The following MTA1 variants were observed in gnomAD, a reference collection of about 807,000 sequenced individuals.
MTA1 encodes metastasis associated 1.
In MTA1, 15 loss-of-function variants were observed where a neutral mutation model predicts 97.0. That is an observed-to-expected ratio of 0.15 (90% confidence interval 0.10 to 0.24). MTA1 has a LOEUF of 0.24. MTA1 is among the 10% of genes least tolerant of loss of function. MTA1 has a pLI of 1.00. For missense variants in MTA1, 709 were observed against 1,015.1 expected (o/e 0.70, Z 4.10); for synonymous variants, 435 against 417.5 (o/e 1.04, Z -0.51).
In MTA1 at chr14:105,420,747, G is replaced by T. The variant is rs2081804583; in HGVS notation, c.28+684G>T. ...TCCTGGGCAGGGGCTTCCTCCGTGG[G>T]CCCAGCCTCCTGTTGCTCGGGCCCC... On this transcript the variant is annotated intron_variant, in intron 1 of 20. Coordinates refer to ENST00000331320, the MANE Select transcript of MTA1 (RefSeq NM_004689.4). The surrounding 1 kb of genome is among the most constrained non-coding windows in gnomAD (Gnocchi z 5.3). Among the ~76,000 whole-genome samples, 1 of 152,200 alleles carries T rather than the reference G, an allele frequency of 6.6e-6. No homozygotes were observed. Among genetic ancestry groups the T allele is most frequent in the Admixed American group, 6.5e-5 (1 of 15,292 alleles).
chr14:105,470,572 T>C lies in MTA1; in HGVS notation c.*357T>C. On this transcript the variant is annotated 3_prime_UTR_variant, in exon 21 of 21. Transcript: ENST00000331320. ...AATTTTATTTTTATTACTTTTTTTG[T>C]AGATGAACTTGAGCTCTGTAACTTA... 4.8e-6 allele frequency: 1 copy of C among 209,864 alleles called. No homozygotes were observed. Among genetic ancestry groups the C allele is most frequent in the Non-Finnish European group, 9.3e-6 (1 of 107,312 alleles). The allele number at this position is 209,864 out of a possible 1,614,324, so 13.0% of individuals were successfully genotyped here.
At chr14:105,421,868 C>T (rs1277443059) in intron 1 of MTA1, among the ~76,000 whole-genome samples, 1 of 152,278 alleles carries the variant, frequency 6.6e-6, no homozygotes, top group Non-Finnish European at 1.5e-5. Flanking sequence ...CCCCCTGTGC[C>T]CGCAGGCCCG....
Position 105,438,733 on chromosome 14 carries a change from C to T in MTA1, c.90C>T (p.Leu30=). ...NPYLIRRIEE[L]NKTANGNVEA... ...ACCTGATCCGGAGAATCGAGGAGCT[C>T]AACAAGGTACTGGGGGGCCCTGGTG... The change falls in exon 2 of 21, where the codon CTC becomes CTT. Residue 30 remains leucine, a synonymous_variant. Transcript: ENST00000331320. 2 of 1,612,762 alleles carry T rather than the reference C, an allele frequency of 1.2e-6. No individual in the cohort carries two copies. Among genetic ancestry groups the T allele is most frequent in the Non-Finnish European group, 1.7e-6 (2 of 1,179,818 alleles).
At chr14:105,450,762 C>T (rs782298464) in intron 6 of MTA1, among the ~76,000 whole-genome samples, 29 of 152,146 alleles carry the variant, frequency 1.9e-4, no homozygotes, top group Non-Finnish European at 3.2e-4. Context: ...CTGGGGGTCA[C>T]CTGTGATTAT....
At chr14:105,425,834 C>T in intron 1 of MTA1, among the ~76,000 whole-genome samples, 1 of 152,018 alleles carries the variant, frequency 6.6e-6, no homozygotes, top group East Asian at 1.9e-4. Context: ...CCACCCGCCC[C>T]ACCAATGTGC....
intron 16 of MTA1, 109 bp from the exon 17 acceptor site, chr14:105,466,317 G>A: frequency 9.8e-7 from 1 of 1,019,036 alleles, no homozygotes; most frequent in Middle Eastern, 2.7e-4. Flanking sequence ...GGCCGCATGG[G>A]GCTTAGTTCC....
rs1438608662 is a variant in MTA1, at chr14:105,420,293, G to A, written c.28+230G>A. On this transcript the variant is annotated intron_variant, in intron 1 of 20. Coordinates refer to ENST00000331320, the MANE Select transcript of MTA1 (RefSeq NM_004689.4). This position sits in a 1 kb window ranked among gnomAD's most constrained non-coding sequence, Gnocchi z 5.3. The stretch of plus-strand genomic sequence containing the variant: ...GGGCTCGGCGGCCCGGGGGTGGGGG[G>A]CGGCCCACCTGTTGGGGCCGAGGGG... Among the ~76,000 whole-genome samples the A allele has an allele frequency of 3.5e-4, 52 of 149,986 alleles. No homozygotes were observed. The highest frequency in any genetic ancestry group is 3.3e-3 in the Admixed American group (50 of 15,102).
chr14:105,446,450 T>A (rs963988224), intron 3 of MTA1, among the ~76,000 whole-genome samples: 2 of 151,800 alleles, frequency 1.3e-5, no homozygotes, highest in Non-Finnish European at 2.9e-5. Flanking sequence ...CGACCCCTAA[T>A]GGGGTGAGGT....
In MTA1 at chr14:105,470,290, G is replaced by A. The variant is rs1156371730; in HGVS notation, c.*75G>A. 6 of 1,158,730 alleles carry A rather than the reference G, an allele frequency of 5.2e-6. No homozygotes were observed. In the East Asian group the frequency reaches 1.2e-4, roughly 23 times the overall value. 71.8% of individuals were successfully genotyped at this position (1,158,730 alleles called of 1,614,324 possible). On this transcript the variant is annotated 3_prime_UTR_variant, in exon 21 of 21. Transcript: ENST00000331320. ...CCCCTTCCCAGCCAGCCCGCCGCCC[G>A]CCCCTCAGTTTGGTAGTGCCCCACC...
chr14:105,462,870 AAAAC>A lies in MTA1; in HGVS notation c.943-306_943-303del, dbSNP rs1264381347. On this transcript the variant is annotated intron_variant, in intron 10 of 20. Coordinates refer to ENST00000331320, the MANE Select transcript of MTA1 (RefSeq NM_004689.4). ...GGTGACAGAGCGAGACTCCGTCTCA[AAAAC>A]AAACAAAAAAAAGGCTGAGATGGAG... is the stretch of plus-strand genomic sequence containing the variant. Among the ~76,000 whole-genome samples the A allele has an allele frequency of 4.6e-5, 7 of 152,340 alleles. No individual in the cohort carries two copies. In the East Asian group the frequency reaches 7.7e-4, roughly 17 times the overall value.
intron 8 of MTA1, 83 bp downstream of exon 8, chr14:105,458,455 G>C: frequency 8.2e-7 from 1 of 1,222,380 alleles, no homozygotes; most frequent in Admixed American, 1.9e-5. Flanking sequence ...TGTTGGGGAC[G>C]TGACAGTCTT....
intron 2 of MTA1, among the ~76,000 whole-genome samples, 194 bp downstream of exon 2, chr14:105,438,933 C>G (rs1163032739): frequency 1.1e-4 from 17 of 152,236 alleles, no homozygotes; most frequent in African/African-American, 4.1e-4. Context: ...AGTGAGGGGC[C>G]TGGTGGCCTC....
intron 1 of MTA1, among the ~76,000 whole-genome samples, chr14:105,431,644 GA>G (rs2082179676): frequency 6.6e-6 from 1 of 152,190 alleles, no homozygotes; most frequent in Non-Finnish European, 1.5e-5. Flanking sequence ...TTTACTTTTT[GA>G]GGTGGAGTCT....
intron 2 of MTA1, among the ~76,000 whole-genome samples, chr14:105,443,743 T>A (rs1231828972): frequency 6.6e-6 from 1 of 151,974 alleles, no homozygotes; most frequent in African/African-American, 2.4e-5. Flanking sequence ...GTCCAGGAGT[T>A]CAAGATTAGC....
At chr14:105,458,413 T>A (rs1555430401) in intron 8 of MTA1, 41 bp downstream of exon 8, 19 of 1,561,166 alleles carry the variant, frequency 1.2e-5, no homozygotes, top group Non-Finnish European at 1.6e-5. Context: ...GGGTGGTGCC[T>A]GGAGCTTCTG....
In MTA1 at chr14:105,469,895, C is replaced by G; in HGVS notation, c.1900C>G (p.Leu634Val). 6.2e-7 allele frequency: 1 copy of G among 1,611,490 alleles called. No individual in the cohort carries two copies. Among genetic ancestry groups the G allele is most frequent in the South Asian group, 1.1e-5 (1 of 90,894 alleles). Residue 634 changes from leucine to valine, a missense_variant, in exon 20 of 21, where the codon CTG becomes GTG. Physicochemically the swap from Leu to Val is conservative, Grantham distance 32. Transcript: ENST00000331320. ...NGKSYPTKVRLIRGGSLPPVK... is the reference protein window; with the variant it reads ...NGKSYPTKVRVIRGGSLPPVK... ...GAAGTCCTACCCCACCAAAGTGCGC[C>G]TGATCCGGGGGGGCTCCCTGCCCCC...
Position 105,464,742 on chromosome 14 carries a change from C to G in MTA1, c.1413C>G (p.Phe471Leu). The change falls in exon 15 of 21, where the codon TTC becomes TTG. Residue 471 changes from phenylalanine to leucine, a missense_variant. This residue lies in a region of MTA1 where 388 missense variants were observed against 421.6 expected (regional missense o/e 0.92). Transcript: ENST00000331320. ...TTGCCATGAAGACCAGGCAGGCTTT[C>G]TATCTGCACACGACGAAGCTGACGC... ...PKFAMKTRQA[F>L]YLHTTKLTRI... 1 of 1,610,224 alleles carries G rather than the reference C, an allele frequency of 6.2e-7. No individual in the cohort carries two copies. Among genetic ancestry groups the G allele is most frequent in the Non-Finnish European group, 8.5e-7 (1 of 1,178,068 alleles).
At position 105,470,233 on chromosome 14, in the gene MTA1, G is replaced by T. The variant is rs782706973; in HGVS notation, c.*18G>T. The T allele has an allele frequency of 2.5e-5, 37 of 1,509,940 alleles. No homozygotes were observed. Among genetic ancestry groups the T allele is most frequent in the Middle Eastern group, 2.3e-4 (1 of 4,366 alleles). 93.5% of individuals were successfully genotyped at this position (1,509,940 alleles called of 1,614,324 possible). ...AGGACTAGGGGCCGCCCCCACCTGC[G>T]GCCGCCCCCCGCCCCTCGCCCGCCC... On this transcript the variant is annotated 3_prime_UTR_variant, in exon 21 of 21. Coordinates refer to ENST00000331320, the MANE Select transcript of MTA1 (RefSeq NM_004689.4).
intron 8 of MTA1, among the ~76,000 whole-genome samples, chr14:105,458,868 C>T (rs6576105): frequency 0.88 from 132,455 of 151,310 alleles, 60,701 homozygotes; most frequent in East Asian, 1. Context: ...TAGACGCACA[C>T]GGGTTCTGGG....
Sources: allele counts gnomAD v4.1 joint callset (sites outside exome capture counted in the v4.1 genomes callset), GRCh38; gene constraint gnomAD v4.1.1; regional missense constraint gnomAD v4.1.1; non-coding constraint Gnocchi (gnomAD v3.1); transcripts MANE v1.5; gene names NCBI Gene and HGNC (gene_info 2026-07-23, HGNC 2026-07-21).